SCFD1: variants seen among roughly 807,000 people sequenced by gnomAD.
SCFD1 encodes sec1 family domain-containing protein 1.
SCFD1 carries 37 observed loss-of-function variants against 103.2 expected under a neutral mutation model. That is an observed-to-expected ratio of 0.36 (90% CI 0.28 to 0.47). The LOEUF is 0.47. SCFD1 is among the 20% of genes least tolerant of loss of function. The probability of loss-of-function intolerance (pLI) is 1.00; values close to 1 mark genes in which losing one functional copy is unlikely to be tolerated. For missense variants in SCFD1, 639 were observed against 761.2 expected, an observed-to-expected ratio of 0.84 and a Z score of 1.89; for synonymous variants, 264 against 245.0, an observed-to-expected ratio of 1.08 and a Z score of -0.73.
chr14:30,678,188 T>C (rs934437502), intron 14 of SCFD1, among the ~76,000 whole-genome samples: 1 of 152,168 alleles, frequency 6.6e-6, no homozygotes, highest in Non-Finnish European at 1.5e-5. Context: ...GGTCTCAGCA[T>C]TTCTCTTAGT....
intron 23 of SCFD1, among the ~76,000 whole-genome samples, chr14:30,727,718 T>C (rs574985007): frequency 4.6e-5 from 7 of 152,342 alleles, no homozygotes; most frequent in Non-Finnish European, 7.3e-5. Flanking sequence ...GTTAGTTTTT[T>C]ACCCAGACCT....
At chr14:30,734,449 A>G in intron 23 of SCFD1, 1 of 295,362 alleles carries the variant, frequency 3.4e-6, no homozygotes, top group African/African-American at 2.2e-5. Context: ...CAAGTAGTAC[A>G]CATCCTACAT....
At chr14:30,720,446 C>G (rs1326790242) in intron 21 of SCFD1, among the ~76,000 whole-genome samples, 1 of 152,148 alleles carries the variant, frequency 6.6e-6, no homozygotes, top group African/African-American at 2.4e-5. Flanking sequence ...TAATGATTCT[C>G]CAGCTTACAT....
rs557775103 is a variant in SCFD1 at position 30,711,037 on chromosome 14, T to C, written c.1629+2972T>C. ...TGCATCACAAGTATCAACTATCACA[T>C]AAAACCAGTTGAATGTTATTCACAG... is the stretch of plus-strand genomic sequence containing the variant. On this transcript the variant is annotated intron_variant, in intron 19 of 24. Transcript: ENST00000458591. Among the ~76,000 whole-genome samples the C allele has an allele frequency of 9.8e-5, 15 of 152,328 alleles. No individual in the cohort carries two copies. The South Asian group carries it at 3.1e-3, about 32-fold the overall frequency.
chr14:30,734,774 ACT>A lies in SCFD1; in HGVS notation c.1837-13_1837-12del, dbSNP rs1893720167. ...TCTTGTTACTTGTATCTAAGTTCTG[ACT>A]CTGATTTTTACAGGGGAAACAAGGC... On this transcript the variant is annotated splice_polypyrimidine_tract_variant and intron_variant, in intron 23 of 24. Coordinates refer to ENST00000458591, the MANE Select transcript of SCFD1 (RefSeq NM_016106.4). 1 of 1,598,830 alleles carries A rather than the reference ACT, an allele frequency of 6.3e-7. No homozygotes were observed. Among genetic ancestry groups the A allele is most frequent in the Non-Finnish European group, 8.6e-7 (1 of 1,166,276 alleles).
At chr14:30,690,302 A>G (rs1439596114) in intron 14 of SCFD1, among the ~76,000 whole-genome samples, 1 of 51,416 alleles carries the variant, frequency 1.9e-5, no homozygotes, top group Non-Finnish European at 3.0e-5. Context: ...GAGCCTACAG[A>G]GGCAGGCAGG....
chr14:30,722,323 C>T (rs1210919890), intron 22 of SCFD1, among the ~76,000 whole-genome samples, 171 bp from the exon 23 acceptor site: 1 of 152,006 alleles, frequency 6.6e-6, no homozygotes. Context: ...TCATACTACT[C>T]AAGAGACATT....
intron 22 of SCFD1, 105 bp from the exon 23 acceptor site, chr14:30,722,389 G>T: frequency 1.4e-6 from 1 of 715,938 alleles, no homozygotes; most frequent in Non-Finnish European, 2.3e-6. Context: ...AATAGCATCA[G>T]GGGCTTAGAA....
In SCFD1 at chr14:30,719,213, T is replaced by G. The variant is rs1190316210; in HGVS notation, c.1684-112T>G. 3 of 712,210 alleles carry G rather than the reference T, an allele frequency of 4.2e-6. No individual in the cohort carries two copies. In the African/African-American group the frequency reaches 5.4e-5, roughly 13 times the overall value. The allele number at this position is 712,210 out of a possible 1,614,324, so 44.1% of individuals were successfully genotyped here. A position where few individuals can be genotyped will look rare whatever the true frequency, so the allele number is the denominator to read the frequency against. On this transcript the variant is annotated intron_variant, in intron 20 of 24. Coordinates refer to ENST00000458591, the MANE Select transcript of SCFD1 (RefSeq NM_016106.4). Reference sequence around the variant, plus strand: ...GTGCTCATTAAGTATTAGGGATGGTTGTTATACATTCTACAAAATTGATAG... The same window carrying G: ...GTGCTCATTAAGTATTAGGGATGGTGGTTATACATTCTACAAAATTGATAG...
intron 23 of SCFD1, among the ~76,000 whole-genome samples, chr14:30,724,211 A>T (rs1892861288): frequency 6.8e-6 from 1 of 146,594 alleles, no homozygotes; most frequent in Non-Finnish European, 1.5e-5. Flanking sequence ...TCTTCTTTTG[A>T]AAATGTTCAT....
At chr14:30,645,486 T>C (rs778268908) in intron 7 of SCFD1, among the ~76,000 whole-genome samples, 2 of 152,244 alleles carry the variant, frequency 1.3e-5, no homozygotes, top group Non-Finnish European at 2.9e-5. Flanking sequence ...TTCCATTTGT[T>C]TGTGTCATCT....
chr14:30,675,569 G>A (rs1888961316), intron 14 of SCFD1, among the ~76,000 whole-genome samples: 1 of 152,154 alleles, frequency 6.6e-6, no homozygotes, highest in Non-Finnish European at 1.5e-5. Context: ...TATTGTTATA[G>A]TTCTTTTTCT....
intron 20 of SCFD1, among the ~76,000 whole-genome samples, chr14:30,717,572 A>T (rs2139398114): frequency 6.6e-6 from 1 of 152,306 alleles, no homozygotes; most frequent in Non-Finnish European, 1.5e-5. Flanking sequence ...AATAGCTAAC[A>T]TTTATTGAGT....
intron 10 of SCFD1, among the ~76,000 whole-genome samples, chr14:30,664,245 T>C (rs1293942507): frequency 6.6e-6 from 1 of 152,046 alleles, no homozygotes; most frequent in Non-Finnish European, 1.5e-5. Context: ...CCGCTGGTGA[T>C]TACCCAGGCA....
At chr14:30,734,940 A>G in intron 24 of SCFD1, 82 bp downstream of exon 24, 6 of 1,162,840 alleles carry the variant, frequency 5.2e-6, no homozygotes, top group South Asian at 1.3e-5. Context: ...AAAGAAAACC[A>G]CTTACTCACC....
rs11410375 is a variant in SCFD1, at chr14:30,651,567, C to CTT, written c.755+929_755+930dup. ...GAAAAACATCAAATTCTCACCTGAT[C>CTT]TTTTTTTTTTTTTAACAGAACCAAC... On this transcript the variant is annotated intron_variant, in intron 9 of 24. Coordinates refer to ENST00000458591, the MANE Select transcript of SCFD1 (RefSeq NM_016106.4). Among the ~76,000 whole-genome samples the CTT allele has an allele frequency of 4.5e-4, 66 of 145,814 alleles. 1 individual carries two copies. The South Asian group carries it at 8.2e-3, about 18-fold the overall frequency.
chr14:30,676,233 T>C (rs191356613), intron 14 of SCFD1: 1 of 152,350 alleles, frequency 6.6e-6, no homozygotes, highest in East Asian at 1.9e-4. Flanking sequence ...GAGAAAATTT[T>C]GGTTAATTTA....
At chr14:30,657,689 T>A (rs1463983011) in intron 10 of SCFD1, among the ~76,000 whole-genome samples, 1 of 152,176 alleles carries the variant, frequency 6.6e-6, no homozygotes, top group Non-Finnish European at 1.5e-5. Context: ...TCACAAAAAT[T>A]TTTGTTGATT....
intron 2 of SCFD1, among the ~76,000 whole-genome samples, chr14:30,629,736 C>T (rs922426494): frequency 5.9e-5 from 9 of 152,082 alleles, no homozygotes; most frequent in African/African-American, 2.2e-4. Flanking sequence ...TGCCACCACA[C>T]CCAGCTAATT....
Sources: allele counts gnomAD v4.1 joint callset (sites outside exome capture counted in the v4.1 genomes callset), GRCh38; gene constraint gnomAD v4.1.1; transcripts MANE v1.5; gene names NCBI Gene and HGNC (gene_info 2026-07-23, HGNC 2026-07-21).